The following KCTD1 variants were observed in gnomAD, a reference collection of about 807,000 sequenced individuals.
KCTD1 encodes BTB/POZ domain-containing protein KCTD1.
KCTD1 carries 24 observed loss-of-function variants against 66.0 expected under a neutral mutation model. The ratio of observed to expected loss-of-function variants is 0.36; its 90% CI spans 0.26 to 0.51. The LOEUF is 0.51. KCTD1 is among the 20% of genes least tolerant of loss of function. The probability of loss-of-function intolerance (pLI) is 0.95; values close to 1 mark genes in which losing one functional copy is unlikely to be tolerated. For missense variants in KCTD1, 943 were observed against 1,205.2 expected, an observed-to-expected ratio of 0.78 and a Z score of 3.22; for synonymous variants, 511 against 517.2, an observed-to-expected ratio of 0.99 and a Z score of 0.16.
At chr18:26,637,969 A>C (rs1312928635) in intron 1 of KCTD1, among the ~76,000 whole-genome samples, 3 of 152,236 alleles carry the variant, frequency 2.0e-5, no homozygotes, top group African/African-American at 7.2e-5. Flanking sequence ...TAGCAAGGAG[A>C]GTCTGATTTT....
intron 1 of KCTD1, among the ~76,000 whole-genome samples, chr18:26,651,821 AAG>A (rs1468879620): frequency 6.7e-4 from 95 of 140,896 alleles, no homozygotes; most frequent in African/African-American, 2.3e-3. Flanking sequence ...GAAGAAGAAG[AAG>A]GTAAAGTGTA....
At chr18:26,614,235 A>T (rs2144999627) in intron 1 of KCTD1, among the ~76,000 whole-genome samples, 1 of 152,364 alleles carries the variant, frequency 6.6e-6, no homozygotes. Context: ...GCCTTCAGTT[A>T]ATATTTGTTG....
chr18:26,463,804 C>T (rs563522669), intron 3 of KCTD1, among the ~76,000 whole-genome samples: 86 of 152,162 alleles, frequency 5.7e-4, no homozygotes, highest in African/African-American at 2.0e-3. Context: ...CCTGAAATGC[C>T]GGGATTACAG....
At chr18:26,492,289 G>T (rs1982242823) in intron 2 of KCTD1, among the ~76,000 whole-genome samples, 1 of 151,798 alleles carries the variant, frequency 6.6e-6, no homozygotes, top group South Asian at 2.1e-4. Context: ...GCAATTTTTT[G>T]TTGTTGTTGT....
upstream of KCTD1, among the ~76,000 whole-genome samples, chr18:26,629,426 A>ACTTCT (rs1345294376): frequency 6.6e-6 from 1 of 152,266 alleles, no homozygotes; most frequent in African/African-American, 2.4e-5. Flanking sequence ...CAGAAGAGGT[A>ACTTCT]GGCAGAGCCA....
At chr18:26,511,030 AG>A (rs1911638521) in intron 1 of KCTD1, among the ~76,000 whole-genome samples, 1 of 152,226 alleles carries the variant, frequency 6.6e-6, no homozygotes, top group African/African-American at 2.4e-5. Flanking sequence ...TGCTATACAG[AG>A]TTGAATATTT....
At chr18:26,545,495 G>A (rs1471723182) in intron 1 of KCTD1, 1 of 152,124 alleles carries the variant, frequency 6.6e-6, no homozygotes, top group Non-Finnish European at 1.5e-5. Context: ...GCTGGTAAAC[G>A]TTTGAAAGGG....
chr18:26,529,092 G>C (rs1984311436), intron 1 of KCTD1, among the ~76,000 whole-genome samples: 1 of 152,100 alleles, frequency 6.6e-6, no homozygotes, highest in Non-Finnish European at 1.5e-5. Flanking sequence ...CAAGCCCAAT[G>C]CTTCTAAAGC....
intron 2 of KCTD1, among the ~76,000 whole-genome samples, chr18:26,491,866 G>A (rs1256401403): frequency 6.6e-6 from 1 of 152,170 alleles, no homozygotes; most frequent in Non-Finnish European, 1.5e-5. Context: ...TCCAAAAGGG[G>A]TGTGTTGGAC....
intron 1 of KCTD1, among the ~76,000 whole-genome samples, chr18:26,505,504 T>C (rs1425955081): frequency 6.6e-6 from 1 of 152,246 alleles, no homozygotes; most frequent in Non-Finnish European, 1.5e-5. Flanking sequence ...ATGAAGCTAC[T>C]TGATTACTGC....
chr18:26,507,729 C>T (rs1373337214), intron 1 of KCTD1, among the ~76,000 whole-genome samples: 3 of 151,760 alleles, frequency 2.0e-5, no homozygotes, highest in Non-Finnish European at 4.4e-5. Context: ...AAGAATGATG[C>T]CCTGTGGATT....
At chr18:26,628,437 T>C (rs1852152516) in intron 1 of KCTD1, among the ~76,000 whole-genome samples, 1 of 152,188 alleles carries the variant, frequency 6.6e-6, no homozygotes, top group Non-Finnish European at 1.5e-5. Context: ...TGGAAATAAA[T>C]CTTCTTACGG....
chr18:26,562,615 A>T (rs1776852315), intron 1 of KCTD1, among the ~76,000 whole-genome samples: 1 of 152,222 alleles, frequency 6.6e-6, no homozygotes, highest in East Asian at 1.9e-4. Flanking sequence ...GGCTGATAAT[A>T]GTCTTTTCTT....
chr18:26,617,589 G>A (rs1220878191), intron 1 of KCTD1, among the ~76,000 whole-genome samples: 1 of 152,188 alleles, frequency 6.6e-6, no homozygotes, highest in Non-Finnish European at 1.5e-5. Context: ...TGTATTTTAA[G>A]TAGCCAACAA....
At chr18:26,479,193 G>A (rs1316024450) in intron 2 of KCTD1, among the ~76,000 whole-genome samples, 3 of 152,252 alleles carry the variant, frequency 2.0e-5, no homozygotes, top group African/African-American at 7.2e-5. Flanking sequence ...TAACCTAGAG[G>A]CCGCCTGGGC....
intron 2 of KCTD1, among the ~76,000 whole-genome samples, chr18:26,498,221 T>C (rs1217977970): frequency 1.3e-5 from 2 of 152,064 alleles, no homozygotes; most frequent in Non-Finnish European, 2.9e-5. Context: ...ACAAATTATT[T>C]TTGCTGTTGC....
At chr18:26,562,996 A>T (rs1194174467) in intron 1 of KCTD1, among the ~76,000 whole-genome samples, 1 of 152,160 alleles carries the variant, frequency 6.6e-6, no homozygotes, top group East Asian at 1.9e-4. Flanking sequence ...CGTCCGCAAC[A>T]CCATCCAAAT....
chr18:26,633,321 C>A (rs1051269473), upstream of KCTD1, among the ~76,000 whole-genome samples: 1 of 151,882 alleles, frequency 6.6e-6, no homozygotes, highest in Admixed American at 6.6e-5. Flanking sequence ...AATACATTCC[C>A]CAGAGAGTAA....
chr18:26,502,089 G>A (rs762078497), intron 1 of KCTD1, among the ~76,000 whole-genome samples: 5 of 152,212 alleles, frequency 3.3e-5, no homozygotes, highest in Admixed American at 1.3e-4. Flanking sequence ...TCGCTCTGTC[G>A]CCCAGGCTGG....
Sources: allele counts gnomAD v4.1 joint callset (sites outside exome capture counted in the v4.1 genomes callset), GRCh38; gene constraint gnomAD v4.1.1; transcripts MANE v1.5; gene names NCBI Gene and HGNC (gene_info 2026-07-23, HGNC 2026-07-21).